DPP6: variants seen among roughly 807,000 people sequenced by gnomAD.
DPP6 encodes the protein dipeptidyl peptidase like 6.
DPP6 carries 69 observed loss-of-function variants against 122.6 expected under a neutral mutation model. The ratio of observed to expected loss-of-function variants is 0.56; its 90% CI spans 0.46 to 0.69. DPP6 has a LOEUF of 0.69. Among genes scored for constraint, DPP6 ranks in the 30% least tolerant of loss-of-function variants. The pLI, the probability that DPP6 is intolerant of heterozygous loss-of-function variation, is 0.00. For synonymous variants in DPP6, 418 were observed against 433.1 expected (o/e 0.97, Z 0.43); for missense variants, 928 against 1,116.9 (o/e 0.83, Z 2.41).
In DPP6 at chr7:154,872,685, C is replaced by A; in HGVS notation, c.1875C>A (p.Leu625=). The A allele has an allele frequency of 6.3e-7, 1 of 1,596,624 alleles. No individual in the cohort carries two copies. Among genetic ancestry groups the A allele is most frequent in the Non-Finnish European group, 8.5e-7 (1 of 1,171,714 alleles). The part of the protein sequence containing the change: ...TFTDTTHYPL[L]LVVDGTPGSQ... ...CCGACACCACCCACTACCCTCTGCT[C>A]CTGGTGGTGTAAGTATCGTCACATC... The change falls in exon 19 of 26, where the codon CTC becomes CTA. Residue 625 remains leucine (L), a synonymous_variant. Transcript: ENST00000377770.
chr7:153,960,220 T>C (rs967807095), intron 1 of DPP6, among the ~76,000 whole-genome samples: 17 of 152,306 alleles, frequency 1.1e-4, no homozygotes, highest in South Asian at 4.2e-4. Context: ...CCCCACTGAT[T>C]GACTCTTACT....
the DPP6 span, among the ~76,000 whole-genome samples, chr7:153,781,487 G>A: frequency 6.6e-6 from 1 of 152,300 alleles, no homozygotes; most frequent in South Asian, 2.1e-4. Context: ...TGGTTCTTCT[G>A]TAGGAACAGG....
At chr7:154,770,596 C>T (rs1239509360) in intron 9 of DPP6, among the ~76,000 whole-genome samples, 1 of 152,206 alleles carries the variant, frequency 6.6e-6, no homozygotes, top group Non-Finnish European at 1.5e-5. Flanking sequence ...TGATCTTGGA[C>T]TTCCAGTCCC....
chr7:154,418,746 A>G (rs751607231), intron 1 of DPP6, among the ~76,000 whole-genome samples: 2 of 152,228 alleles, frequency 1.3e-5, no homozygotes, highest in African/African-American at 2.4e-5. Flanking sequence ...AATGACCTTT[A>G]TATCTGAAAG....
chr7:154,813,652 A>G (rs931646544), intron 16 of DPP6, among the ~76,000 whole-genome samples: 6 of 151,962 alleles, frequency 3.9e-5, no homozygotes, highest in African/African-American at 1.5e-4. Context: ...TCACCTATCT[A>G]TGTAATACAG....
chr7:154,686,012 A>G (rs1839575700), intron 7 of DPP6, among the ~76,000 whole-genome samples: 1 of 152,190 alleles, frequency 6.6e-6, no homozygotes, highest in Non-Finnish European at 1.5e-5. Context: ...GTCTCACTGC[A>G]TGGCTGTGCA....
At chr7:154,420,534 G>A (rs1281114544) in intron 1 of DPP6, among the ~76,000 whole-genome samples, 1 of 152,100 alleles carries the variant, frequency 6.6e-6, no homozygotes, top group Non-Finnish European at 1.5e-5. Flanking sequence ...TTAATGAACA[G>A]GTATAAAATT....
At chr7:154,246,782 A>G (rs1802010057) in intron 1 of DPP6, among the ~76,000 whole-genome samples, 1 of 152,206 alleles carries the variant, frequency 6.6e-6, no homozygotes, top group Non-Finnish European at 1.5e-5. Context: ...AGATGAAATT[A>G]TGGGGAAAAA....
the DPP6 span, among the ~76,000 whole-genome samples, chr7:153,840,256 AACAT>A: frequency 6.6e-6 from 1 of 152,218 alleles, no homozygotes; most frequent in Admixed American, 6.5e-5. Flanking sequence ...AGAGAAAAAA[AACAT>A]ACTGTGCAGC....
At chr7:154,646,083 A>T (rs1201306019) in intron 6 of DPP6, among the ~76,000 whole-genome samples, 1 of 149,836 alleles carries the variant, frequency 6.7e-6, no homozygotes, top group East Asian at 2.0e-4. Context: ...GGACACCAAG[A>T]CCTTCCATAA....
At chr7:154,128,558 C>T (rs1476746264) in intron 1 of DPP6, among the ~76,000 whole-genome samples, 4 of 152,028 alleles carry the variant, frequency 2.6e-5, no homozygotes, top group East Asian at 1.9e-4. Context: ...CCCGCCACCG[C>T]GCCTGGCTAA....
chr7:153,822,576 A>G, the DPP6 span, among the ~76,000 whole-genome samples: 1 of 152,200 alleles, frequency 6.6e-6, no homozygotes, highest in South Asian at 2.1e-4. Flanking sequence ...TTTTCATGTA[A>G]AAGCAGGTGG....
chr7:154,544,275 C>T (rs1327262159), intron 4 of DPP6, among the ~76,000 whole-genome samples: 42 of 151,848 alleles, frequency 2.8e-4, no homozygotes, highest in Non-Finnish European at 1.2e-4. Context: ...TCCATTTCCT[C>T]TTTTGAGAAT....
intron 1 of DPP6, among the ~76,000 whole-genome samples, chr7:153,906,501 G>A (rs1799856941): frequency 6.6e-6 from 1 of 152,102 alleles, no homozygotes; most frequent in African/African-American, 2.4e-5. Flanking sequence ...CCCAGGCTGG[G>A]GTGCACTTGC....
intron 1 of DPP6, among the ~76,000 whole-genome samples, chr7:153,931,987 T>G (rs1476597651): frequency 2.6e-5 from 4 of 152,240 alleles, no homozygotes; most frequent in Non-Finnish European, 4.4e-5. Context: ...TCTCCTCATT[T>G]GTCTTCTGAT....
At chr7:153,926,456 C>T (rs1457249938) in intron 1 of DPP6, among the ~76,000 whole-genome samples, 1 of 152,134 alleles carries the variant, frequency 6.6e-6, no homozygotes, top group Non-Finnish European at 1.5e-5. Context: ...GCCTTTGTCT[C>T]CCAAGGGCCT....
chr7:154,822,054 A>G (rs992966946), intron 16 of DPP6, among the ~76,000 whole-genome samples: 1 of 151,888 alleles, frequency 6.6e-6, no homozygotes, highest in Non-Finnish European at 1.5e-5. Flanking sequence ...AACCTCATAA[A>G]CTTTCTCTGG....
intron 1 of DPP6, among the ~76,000 whole-genome samples, chr7:154,318,025 A>G (rs1807586870): frequency 6.6e-6 from 1 of 152,222 alleles, no homozygotes; most frequent in Non-Finnish European, 1.5e-5. Flanking sequence ...ATGAAACTCC[A>G]AATAACTTTT....
chr7:153,836,937 AAG>A, the DPP6 span, among the ~76,000 whole-genome samples: 2 of 152,296 alleles, frequency 1.3e-5, no homozygotes, highest in South Asian at 4.1e-4. Context: ...TGTGGCTCAT[AAG>A]AGAGTGGCTG....
Sources: allele counts gnomAD v4.1 joint callset (sites outside exome capture counted in the v4.1 genomes callset), GRCh38; gene constraint gnomAD v4.1.1; transcripts MANE v1.5; gene names NCBI Gene and HGNC (gene_info 2026-07-23, HGNC 2026-07-21).